The following CAMTA1 variants were observed in gnomAD, a reference collection of about 807,000 sequenced individuals.
CAMTA1 encodes the protein calmodulin binding transcription activator 1.
CAMTA1 carries 27 observed loss-of-function variants against 170.9 expected under a neutral mutation model. That is an observed-to-expected ratio of 0.16 (90% CI 0.12 to 0.22). The LOEUF is 0.22. Ranked by LOEUF, CAMTA1 falls within the 10% of genes least tolerant of loss-of-function variation. The pLI, the probability that CAMTA1 is intolerant of heterozygous loss-of-function variation, is 1.00. For synonymous variants in CAMTA1, 833 were observed against 891.5 expected (o/e 0.93, Z 1.17); for missense variants, 1,619 against 2,217.2 (o/e 0.73, Z 5.42).
At chr1:6,785,795 A>ACCCCACC (rs1639054650) in intron 1 of CAMTA1, among the ~76,000 whole-genome samples, 1 of 70,650 alleles carries the variant, frequency 1.4e-5, no homozygotes, top group African/African-American at 5.5e-5. Flanking sequence ...GGCGCCCCAC[A>ACCCCACC]CCCCACCCCC....
intron 3 of CAMTA1, among the ~76,000 whole-genome samples, chr1:6,996,792 C>T (rs1189116092): frequency 6.6e-6 from 1 of 152,126 alleles, no homozygotes; most frequent in African/African-American, 2.4e-5. Context: ...CCATTTCTGC[C>T]TGCCTTTGGT....
chr1:7,246,364 A>G (rs553340264), intron 4 of CAMTA1, among the ~76,000 whole-genome samples: 7 of 152,306 alleles, frequency 4.6e-5, no homozygotes, highest in African/African-American at 1.7e-4. Flanking sequence ...ACAGACACGC[A>G]AGTGGCGTGC....
chr1:6,915,566 C>G (rs1680598389), intron 3 of CAMTA1, among the ~76,000 whole-genome samples: 1 of 152,130 alleles, frequency 6.6e-6, no homozygotes, highest in Non-Finnish European at 1.5e-5. Context: ...AGCAGTGCAG[C>G]CTGAAGCTAG....
At chr1:7,687,720 G>T (rs1014328211) in intron 11 of CAMTA1, among the ~76,000 whole-genome samples, 8 of 152,190 alleles carry the variant, frequency 5.3e-5, no homozygotes, top group Non-Finnish European at 2.9e-5. Context: ...CTGTGTCCCT[G>T]GGCTCGTGGA....
In CAMTA1 at chr1:6,785,517, C is replaced by CGAG. The variant is rs755609750; in HGVS notation, c.-2_1dup. ...AGGCGCGCGCTCGGGGTCCCGGTCG[C>CGAG]GAGGAGGAGGAGGATGTGGCGCGCG... On this transcript the variant is annotated 5_prime_UTR_variant, in exon 1 of 23. Transcript: ENST00000303635. 31 of 1,044,114 alleles carry CGAG rather than the reference C, an allele frequency of 3.0e-5. No homozygotes were observed. The South Asian group carries it at 5.4e-4, about 18-fold the overall frequency. 64.7% of individuals were successfully genotyped at this position (1,044,114 alleles called of 1,614,324 possible).
intron 5 of CAMTA1, among the ~76,000 whole-genome samples, chr1:7,292,910 C>A (rs1171862902): frequency 6.6e-6 from 1 of 152,114 alleles, no homozygotes; most frequent in Non-Finnish European, 1.5e-5. Context: ...GGAATTCCTA[C>A]AGAGCACTAG....
At chr1:6,984,055 TAAA>T (rs1557926192) in intron 3 of CAMTA1, among the ~76,000 whole-genome samples, 9 of 300 alleles carry the variant, frequency 0.03, no homozygotes, top group East Asian at 0.17. Context: ...GATAGATGGA[TAAA>T]TGGGTGGGTG....
At chr1:7,581,069 G>A (rs1407236323) in intron 6 of CAMTA1, among the ~76,000 whole-genome samples, 3 of 152,220 alleles carry the variant, frequency 2.0e-5, no homozygotes, top group Non-Finnish European at 4.4e-5. Context: ...CATGGGAAGC[G>A]TCAGATCAGA....
At position 7,333,850 on chromosome 1, in the gene CAMTA1, TA is replaced by T. The variant is rs1333068025; in HGVS notation, c.438+84226del. On this transcript the variant is annotated intron_variant, in intron 5 of 22. Transcript: ENST00000303635. This position sits in a 1 kb window ranked among gnomAD's most constrained non-coding sequence, Gnocchi z 4.4. ...AAATCCTCTCTCTGTGTTTACATTT[TA>T]ATGGGCATTCCAGTGAAATGGAGGA... Among the ~76,000 whole-genome samples, 4 of 152,350 alleles carry T rather than the reference TA, an allele frequency of 2.6e-5. No individual in the cohort carries two copies. In the East Asian group the frequency reaches 7.7e-4, roughly 29 times the overall value.
In CAMTA1 at chr1:6,965,163, C is replaced by T. The variant is rs919278116; in HGVS notation, c.235-126141C>T. Among the ~76,000 whole-genome samples the T allele has an allele frequency of 3.9e-5, 6 of 152,048 alleles. No individual in the cohort carries two copies. The highest frequency in any genetic ancestry group is 1.2e-4 in the African/African-American group (5 of 41,384). On this transcript the variant is annotated intron_variant, in intron 3 of 22. Coordinates refer to ENST00000303635, the MANE Select transcript of CAMTA1 (RefSeq NM_015215.4). The surrounding 1 kb of genome is among the most constrained non-coding windows in gnomAD (Gnocchi z 4.1). ...ATGTATTAATATGTGAAAGCCACTT[C>T]GGGAAAAGTAGTGAGTGTGGTATGA...
intron 3 of CAMTA1, among the ~76,000 whole-genome samples, chr1:6,865,262 T>C (rs1448627566): frequency 6.6e-6 from 1 of 152,200 alleles, no homozygotes; most frequent in East Asian, 1.9e-4. Context: ...GTGGGTACAG[T>C]AGTGGATCTA....
chr1:7,102,346 C>T (rs1472483161), intron 4 of CAMTA1, among the ~76,000 whole-genome samples: 1 of 152,118 alleles, frequency 6.6e-6, no homozygotes, highest in Non-Finnish European at 1.5e-5. Flanking sequence ...CTGCTGAGGA[C>T]AGGGGAGCTC....
chr1:6,939,892 C>T (rs1337869752), intron 3 of CAMTA1, among the ~76,000 whole-genome samples: 4 of 152,270 alleles, frequency 2.6e-5, no homozygotes, highest in African/African-American at 4.8e-5. Flanking sequence ...CCCCAAGCAA[C>T]TGGGCGAGTG....
chr1:7,644,222 T>C (rs1412790434), intron 7 of CAMTA1, among the ~76,000 whole-genome samples: 1 of 152,062 alleles, frequency 6.6e-6, no homozygotes, highest in Non-Finnish European at 1.5e-5. Context: ...ATTCAGAGAA[T>C]CCCATCCTGG....
rs528872815 is a variant in CAMTA1 at position 7,038,645 on chromosome 1, C to T, written c.235-52659C>T. Among the ~76,000 whole-genome samples the T allele has an allele frequency of 1.8e-4, 27 of 152,288 alleles. 1 individual carries two copies. Among genetic ancestry groups the T allele is most frequent in the Non-Finnish European group, 3.4e-4 (23 of 68,016 alleles). ...TCAATACACTTTCTCCCAAATATTT[C>T]AACAGGTAGGAATATCATTCATTAG... On this transcript the variant is annotated intron_variant, in intron 3 of 22. Transcript: ENST00000303635.
intron 1 of CAMTA1, among the ~76,000 whole-genome samples, chr1:6,791,476 T>A (rs921505083): frequency 2.0e-5 from 3 of 151,830 alleles, no homozygotes; most frequent in Non-Finnish European, 4.4e-5. Flanking sequence ...ATTTTGGAAA[T>A]TTTTTTTTGC....
intron 6 of CAMTA1, among the ~76,000 whole-genome samples, chr1:7,589,952 G>A (rs762576443): frequency 3.3e-5 from 5 of 152,302 alleles, no homozygotes; most frequent in East Asian, 1.9e-4. Context: ...CTTGCTGGCT[G>A]CACAAGGCGG....
chr1:7,576,882 G>C (rs940470388), intron 6 of CAMTA1, among the ~76,000 whole-genome samples: 1 of 152,218 alleles, frequency 6.6e-6, no homozygotes, highest in Non-Finnish European at 1.5e-5. Flanking sequence ...GAGGACGGGG[G>C]ATTGGCCATC....
intron 4 of CAMTA1, among the ~76,000 whole-genome samples, chr1:7,218,696 T>C (rs1373693611): frequency 6.6e-6 from 1 of 152,222 alleles, no homozygotes; most frequent in Non-Finnish European, 1.5e-5. Flanking sequence ...CTTCAGGTAA[T>C]TGTAATTTAT....
Sources: gnomAD v4.1 joint callset for allele counts (sites outside exome capture counted in the v4.1 genomes callset) on GRCh38, gnomAD v4.1.1 for gene constraint, Gnocchi (gnomAD v3.1) non-coding constraint, MANE v1.5 for transcripts, NCBI Gene and HGNC (gene_info 2026-07-23, HGNC 2026-07-21) for gene names.